The following INPP5A variants were observed in gnomAD, a reference collection of about 807,000 sequenced individuals.
INPP5A encodes the protein inositol polyphosphate-5-phosphatase A.
INPP5A carries 14 observed loss-of-function variants against 65.2 expected under a neutral mutation model. The observed-to-expected ratio is 0.21, with a 90% CI of 0.14 to 0.34. The LOEUF is 0.34. Ranked by LOEUF, INPP5A falls within the 10% of genes least tolerant of loss-of-function variation. The pLI is 1.00. For synonymous variants in INPP5A, 207 were observed against 208.3 expected, an observed-to-expected ratio of 0.99 and a Z score of 0.05; for missense variants, 431 against 545.6, an observed-to-expected ratio of 0.79 and a Z score of 2.09.
intron 11 of INPP5A, among the ~76,000 whole-genome samples, chr10:132,763,216 T>G (rs12266250): frequency 0.02 from 2,998 of 152,258 alleles, 82 homozygotes; most frequent in African/African-American, 0.067. Context: ...TCTCAGCAGA[T>G]CTCATAGATG....
At chr10:132,701,036 T>G (rs1324093651) in intron 6 of INPP5A, among the ~76,000 whole-genome samples, 1 of 152,228 alleles carries the variant, frequency 6.6e-6, no homozygotes, top group Non-Finnish European at 1.5e-5. Context: ...CAAGCTCTCA[T>G]GAAGGATGAA....
intron 13 of INPP5A, among the ~76,000 whole-genome samples, chr10:132,779,511 C>G (rs1179465216): frequency 1.3e-5 from 2 of 152,278 alleles, no homozygotes; most frequent in African/African-American, 4.8e-5. Flanking sequence ...CAGGGCTCCA[C>G]CAGCTCAGAG....
chr10:132,748,426 G>A (rs1846411438), intron 9 of INPP5A, among the ~76,000 whole-genome samples: 2 of 152,204 alleles, frequency 1.3e-5, no homozygotes, highest in Non-Finnish European at 2.9e-5. Context: ...CTTGTTCGGT[G>A]AGGTTCTAGG....
rs763208663 is a variant in INPP5A, at chr10:132,782,088, G to A, written c.*59G>A. The A allele has an allele frequency of 4.1e-5, 64 of 1,542,650 alleles. No homozygotes were observed. The highest frequency in any genetic ancestry group is 3.9e-5 in the Non-Finnish European group (45 of 1,140,828). ...ACACTTCGTGAGCCTCCCTGTAGCC[G>A]TGGACCGAATACGCACTCTTGAAAG... On this transcript the variant is annotated 3_prime_UTR_variant, in exon 16 of 16. Coordinates refer to ENST00000368594, the MANE Select transcript of INPP5A (RefSeq NM_005539.5). The surrounding 1 kb of genome is among the most constrained non-coding windows in gnomAD (Gnocchi z 4.4).
Position 132,561,644 on chromosome 10 carries a change from G to T in INPP5A, c.75+23473G>T, listed in dbSNP as rs563883533. Among the ~76,000 whole-genome samples, 741 of 151,512 alleles carry T rather than the reference G, an allele frequency of 4.9e-3. 5 individuals carry two copies. Among genetic ancestry groups the T allele is most frequent in the African/African-American group, 0.017 (703 of 41,256 alleles). ...AGAAAGTGAGAGTTCCAACTTTGTTGTCTTTTATTCAAGATTGTTTTGACT... is the reference window on the plus strand; with the variant it reads ...AGAAAGTGAGAGTTCCAACTTTGTTTTCTTTTATTCAAGATTGTTTTGACT... On this transcript the variant is annotated intron_variant, in intron 1 of 15. Coordinates refer to ENST00000368594, the MANE Select transcript of INPP5A (RefSeq NM_005539.5).
At chr10:132,758,939 A>G (rs1426437147) in intron 11 of INPP5A, among the ~76,000 whole-genome samples, 5 of 152,244 alleles carry the variant, frequency 3.3e-5, no homozygotes, top group African/African-American at 1.2e-4. Context: ...AGGATCGGAA[A>G]GCTGGGTTTT....
rs552424171 is a variant in INPP5A, at chr10:132,589,972, T to A, written c.76-17943T>A. On this transcript the variant is annotated intron_variant, in intron 1 of 15. Transcript: ENST00000368594. ...GTGGTGGGAGGGCACCGATGTGCAATGCCATGCCAGGCCTCGGGGAGCCCC... is the reference window on the plus strand; with the variant it reads ...GTGGTGGGAGGGCACCGATGTGCAAAGCCATGCCAGGCCTCGGGGAGCCCC... Among the ~76,000 whole-genome samples the A allele has an allele frequency of 2.6e-5, 4 of 152,304 alleles. No homozygotes were observed. In the East Asian group the frequency reaches 7.7e-4, roughly 29 times the overall value.
intron 8 of INPP5A, among the ~76,000 whole-genome samples, chr10:132,717,031 C>G (rs1318917531): frequency 1.3e-5 from 2 of 152,150 alleles, no homozygotes; most frequent in Non-Finnish European, 2.9e-5. Context: ...GGTCCAGAGG[C>G]CATCTCAGCC....
intron 4 of INPP5A, among the ~76,000 whole-genome samples, chr10:132,655,523 G>A (rs999978110): frequency 6.6e-6 from 1 of 152,224 alleles, no homozygotes; most frequent in South Asian, 2.1e-4. Flanking sequence ...ATCAGTCAGC[G>A]CCCAGAGAGC....
chr10:132,665,409 C>T (rs1011657997), intron 4 of INPP5A, among the ~76,000 whole-genome samples: 3 of 152,218 alleles, frequency 2.0e-5, no homozygotes, highest in South Asian at 2.1e-4. Context: ...TATTAAGATT[C>T]GGGGTATTTG....
chr10:132,778,395 C>A (rs1333418703), intron 13 of INPP5A, among the ~76,000 whole-genome samples: 1 of 145,386 alleles, frequency 6.9e-6, no homozygotes, highest in Non-Finnish European at 1.5e-5. Flanking sequence ...TTCCTGGGCT[C>A]CAGCATTCCA....
At chr10:132,701,003 A>G (rs1845427740) in intron 6 of INPP5A, among the ~76,000 whole-genome samples, 1 of 152,170 alleles carries the variant, frequency 6.6e-6, no homozygotes, top group African/African-American at 2.4e-5. Flanking sequence ...ATTGGTTGCT[A>G]CCATAGATCA....
At chr10:132,760,381 G>A (rs1846711583) in intron 11 of INPP5A, among the ~76,000 whole-genome samples, 2 of 152,232 alleles carry the variant, frequency 1.3e-5, no homozygotes, top group African/African-American at 4.8e-5. Flanking sequence ...GGTCCTTCTG[G>A]GCTCCAGAGC....
chr10:132,726,371 C>T (rs61577664), intron 8 of INPP5A, among the ~76,000 whole-genome samples: 5,111 of 152,296 alleles, frequency 0.034, 278 homozygotes, highest in African/African-American at 0.11. Context: ...ATCTCCCTCC[C>T]GCTGTCGGTC....
At chr10:132,749,398 G>C in intron 9 of INPP5A, 119 bp from the exon 10 acceptor site, 1 of 873,240 alleles carries the variant, frequency 1.1e-6, no homozygotes, top group Non-Finnish European at 1.8e-6. Flanking sequence ...AAATCTGGGT[G>C]TGACACCAGC....
At chr10:132,747,434 G>GC (rs1486927146) in intron 9 of INPP5A, among the ~76,000 whole-genome samples, 1 of 152,268 alleles carries the variant, frequency 6.6e-6, no homozygotes, top group Non-Finnish European at 1.5e-5. Flanking sequence ...CCTGGCCCAG[G>GC]CTGAGACACT....
Position 132,561,210 on chromosome 10 carries a change from G to A in INPP5A, c.75+23039G>A, listed in dbSNP as rs114365764. 3.3e-3 allele frequency among the ~76,000 whole-genome samples: 433 copies of A among 129,460 alleles called. 1 individual carries two copies. The highest frequency in any genetic ancestry group is 0.014 in the African/African-American group (422 of 31,094). The allele number at this position is 129,460 out of a possible 152,430, so 84.9% of individuals were successfully genotyped here. A position where few individuals can be genotyped will look rare whatever the true frequency, so the allele number is the denominator to read the frequency against. ...CTGGAATAGCAGGGACTACAGACTT[G>A]TATCACCACACCTGGCTAGTTTTTT... On this transcript the variant is annotated intron_variant, in intron 1 of 15. Transcript: ENST00000368594.
At chr10:132,702,771 T>C (rs1235748770) in intron 6 of INPP5A, among the ~76,000 whole-genome samples, 1 of 152,222 alleles carries the variant, frequency 6.6e-6, no homozygotes, top group East Asian at 1.9e-4. Context: ...CACAGTGTGC[T>C]CTGGGGCTCT....
At chr10:132,580,224 G>A (rs1024068796) in intron 1 of INPP5A, among the ~76,000 whole-genome samples, 2 of 152,190 alleles carry the variant, frequency 1.3e-5, no homozygotes, top group Admixed American at 6.5e-5. Context: ...CAAATCTCAC[G>A]TCAAATTGTA....
Sources: allele counts gnomAD v4.1 joint callset (sites outside exome capture counted in the v4.1 genomes callset), GRCh38; gene constraint gnomAD v4.1.1; non-coding constraint Gnocchi (gnomAD v3.1); transcripts MANE v1.5; gene names NCBI Gene and HGNC (gene_info 2026-07-23, HGNC 2026-07-21).